RAMP1: variants seen among roughly 807,000 people sequenced by gnomAD.
The protein encoded by RAMP1 is receptor activity-modifying protein 1.
RAMP1 carries 7 observed loss-of-function variants against 8.2 expected under a neutral mutation model. The observed-to-expected ratio is 0.85, with a 90% confidence interval of 0.49 to 1.60. RAMP1 has a LOEUF of 1.60. RAMP1 is among the 40% of genes most tolerant of loss of function. The pLI, the probability that RAMP1 is intolerant of heterozygous loss-of-function variation, is 0.00. For missense variants in RAMP1, 192 were observed against 202.4 expected, an observed-to-expected ratio of 0.95 and a Z score of 0.31; for synonymous variants, 92 against 84.7, an observed-to-expected ratio of 1.09 and a Z score of -0.47.
chr2:237,876,826 G>GT (rs894712503), intron 1 of RAMP1, among the ~76,000 whole-genome samples: 32 of 152,298 alleles, frequency 2.1e-4, no homozygotes, highest in African/African-American at 7.5e-4. Context: ...AGTCAGACAG[G>GT]AGATGTGCCT....
At position 237,878,066 on chromosome 2, in the gene RAMP1, C is replaced by T; in HGVS notation, c.191+704C>T. The T allele has an allele frequency of 2.0e-6, 2 of 985,484 alleles. No homozygotes were observed. The highest frequency in any genetic ancestry group is 9.4e-5 in the South Asian group (2 of 21,290). 61.0% of individuals were successfully genotyped at this position (985,484 alleles called of 1,614,324 possible). On this transcript the variant is annotated intron_variant, in intron 2 of 2. Transcript: ENST00000254661. This position sits in a 1 kb window ranked among gnomAD's most constrained non-coding sequence, Gnocchi z 5.7. The stretch of plus-strand genomic sequence containing the variant: ...GCAATCGACTTTCAAGTCCTTGTTT[C>T]TGCCTCCGTGGGAGGCGCTGGGGTG...
chr2:237,873,219 A>AT (rs1215717990), intron 1 of RAMP1, among the ~76,000 whole-genome samples: 2 of 152,188 alleles, frequency 1.3e-5, no homozygotes, highest in African/African-American at 4.8e-5. Flanking sequence ...GAGGACAGTG[A>AT]TGGGGTCTGA....
chr2:237,879,095 G>C (rs1397818719), intron 2 of RAMP1, among the ~76,000 whole-genome samples: 5 of 152,246 alleles, frequency 3.3e-5, no homozygotes, highest in East Asian at 1.9e-4. Context: ...AGAACAGCCT[G>C]TTCTTTAGGC....
intron 2 of RAMP1, among the ~76,000 whole-genome samples, chr2:237,906,925 G>A (rs768822827): frequency 1.1e-4 from 17 of 152,004 alleles, no homozygotes; most frequent in Non-Finnish European, 2.9e-5. Context: ...GTTTCACCAT[G>A]TTAGCCAGGC....
At chr2:237,897,777 T>TTGG (rs1553738953) in intron 2 of RAMP1, among the ~76,000 whole-genome samples, 5 of 140,874 alleles carry the variant, frequency 3.5e-5, no homozygotes, top group Non-Finnish European at 6.2e-5. Flanking sequence ...TTTGGTTTTT[T>TTGG]GGGGGGGGGT....
At chr2:237,876,680 G>A (rs929938984) in intron 1 of RAMP1, among the ~76,000 whole-genome samples, 4 of 152,046 alleles carry the variant, frequency 2.6e-5, no homozygotes, top group South Asian at 2.1e-4. Flanking sequence ...AGTGAGCTAC[G>A]GGGGAAATTA....
intron 2 of RAMP1, among the ~76,000 whole-genome samples, chr2:237,888,451 A>G (rs1222401364): frequency 6.6e-6 from 1 of 152,198 alleles, no homozygotes; most frequent in Admixed American, 6.5e-5. Context: ...AGTTCCTCAT[A>G]GGCTCGTGAG....
In RAMP1 at chr2:237,878,595, C is replaced by T. The variant is rs1407817699; in HGVS notation, c.191+1233C>T. Among the ~76,000 whole-genome samples the T allele has an allele frequency of 6.6e-6, 1 of 152,208 alleles. No homozygotes were observed. The highest frequency in any genetic ancestry group is 6.5e-5 in the Admixed American group (1 of 15,284). On this transcript the variant is annotated intron_variant, in intron 2 of 2. Coordinates refer to ENST00000254661, the MANE Select transcript of RAMP1 (RefSeq NM_005855.4). The surrounding 1 kb of genome is among the most constrained non-coding windows in gnomAD (Gnocchi z 5.7). ...AGAGCCCCGCTGGCCACAGCCTGCC[C>T]TCTTCAGTCCTACTGAGATTGGCAG...
chr2:237,890,352 C>A (rs562330808), intron 2 of RAMP1, among the ~76,000 whole-genome samples: 7 of 152,214 alleles, frequency 4.6e-5, no homozygotes, highest in South Asian at 2.1e-4. Context: ...CAGGCACTCA[C>A]CACCACGCCT....
intron 2 of RAMP1, among the ~76,000 whole-genome samples, chr2:237,904,187 G>C (rs930681284): frequency 6.6e-6 from 1 of 152,086 alleles, no homozygotes. Context: ...TCTGAGGCGG[G>C]CGGATCACGA....
Position 237,911,709 on chromosome 2 carries a change from G to A in RAMP1, c.373G>A (p.Val125Ile), listed in dbSNP as rs1350409808. The A allele has an allele frequency of 6.2e-7, 1 of 1,613,792 alleles. No homozygotes were observed. The highest frequency in any genetic ancestry group is 8.5e-7 in the Non-Finnish European group (1 of 1,179,958). ...PGSILYPFIVVPITVTLLVTA... is the reference protein window; with the variant it reads ...PGSILYPFIVIPITVTLLVTA... ...CAGCATCCTCTACCCCTTCATCGTG[G>A]TCCCCATCACGGTGACCCTGCTGGT... The change falls in exon 3 of 3, where the codon GTC becomes ATC. Residue 125 changes from valine to isoleucine, a missense_variant. Physicochemically the swap from Val to Ile is conservative, Grantham distance 29. Transcript: ENST00000254661.
At chr2:237,894,595 G>C (rs1300950515) in intron 2 of RAMP1, among the ~76,000 whole-genome samples, 1 of 152,212 alleles carries the variant, frequency 6.6e-6, no homozygotes, top group Non-Finnish European at 1.5e-5. Flanking sequence ...ACCTGGCTAG[G>C]GGGTGAGACC....
intron 2 of RAMP1, among the ~76,000 whole-genome samples, chr2:237,897,699 C>T (rs1294046014): frequency 3.3e-5 from 5 of 150,960 alleles, no homozygotes; most frequent in African/African-American, 4.8e-5. Context: ...TACAGATCCA[C>T]GTGTCTTAGT....
intron 2 of RAMP1, among the ~76,000 whole-genome samples, chr2:237,883,921 T>G (rs1420239714): frequency 1.4e-5 from 2 of 143,544 alleles, no homozygotes; most frequent in Non-Finnish European, 3.0e-5. Flanking sequence ...ACTTTTTTTT[T>G]TTTTTTTTTT....
At chr2:237,860,372 T>C (rs977181026) in intron 1 of RAMP1, among the ~76,000 whole-genome samples, 2 of 152,180 alleles carry the variant, frequency 1.3e-5, no homozygotes, top group African/African-American at 4.8e-5. Context: ...TTTTGGCTAA[T>C]AGAAATTTAA....
At chr2:237,874,387 G>A (rs1274513621) in intron 1 of RAMP1, among the ~76,000 whole-genome samples, 9 of 152,212 alleles carry the variant, frequency 5.9e-5, no homozygotes, top group East Asian at 3.8e-4. Context: ...GCCTCCGCAC[G>A]GGGACTGGCT....
At chr2:237,904,633 G>T (rs972282428) in intron 2 of RAMP1, among the ~76,000 whole-genome samples, 1 of 152,122 alleles carries the variant, frequency 6.6e-6, no homozygotes. Flanking sequence ...TTTAAAAAGC[G>T]AATATAAAGC....
At chr2:237,899,780 T>C (rs1231589917) in intron 2 of RAMP1, among the ~76,000 whole-genome samples, 1 of 152,218 alleles carries the variant, frequency 6.6e-6, no homozygotes, top group Non-Finnish European at 1.5e-5. Flanking sequence ...TCTTTTTCTT[T>C]CACTTTAAGA....
intron 2 of RAMP1, among the ~76,000 whole-genome samples, chr2:237,906,592 A>G (rs1305400485): frequency 6.6e-6 from 1 of 151,510 alleles, no homozygotes; most frequent in East Asian, 1.9e-4. Context: ...CCCTTCATCT[A>G]TTTATGTGGA....
Sources: allele counts gnomAD v4.1 joint callset (sites outside exome capture counted in the v4.1 genomes callset), GRCh38; gene constraint gnomAD v4.1.1; non-coding constraint Gnocchi (gnomAD v3.1); transcripts MANE v1.5; gene names NCBI Gene and HGNC (gene_info 2026-07-23, HGNC 2026-07-21).